Variants in SLC24A2 observed in about 807,000 individuals in gnomAD.
The protein encoded by SLC24A2 is sodium/potassium/calcium exchanger 2.
Under a neutral mutation model 62.0 loss-of-function variants are expected in SLC24A2, and 36 were observed. That is an observed-to-expected ratio of 0.58 (90% CI 0.44 to 0.77). SLC24A2 has a LOEUF of 0.77. Among genes scored for constraint, SLC24A2 ranks in the 30% least tolerant of loss-of-function variants. SLC24A2 has a pLI of 0.00. For missense variants in SLC24A2, 846 were observed against 817.9 expected (o/e 1.03, Z -0.42); for synonymous variants, 358 against 294.0 (o/e 1.22, Z -2.23).
At chr9:19,768,529 T>C (rs973986919) in intron 2 of SLC24A2, among the ~76,000 whole-genome samples, 1 of 152,104 alleles carries the variant, frequency 6.6e-6, no homozygotes, top group Non-Finnish European at 1.5e-5. Flanking sequence ...ATATTTTGTT[T>C]CTTAAATTTG....
chr9:19,550,070 C>T (rs540030245), intron 8 of SLC24A2, 67 bp downstream of exon 8: 230 of 1,519,402 alleles, frequency 1.5e-4, no homozygotes, highest in African/African-American at 1.4e-3. Context: ...CAAACTGAAG[C>T]AGACTATGCA....
At chr9:19,685,234 C>T (rs1478251549) in intron 2 of SLC24A2, among the ~76,000 whole-genome samples, 1 of 152,042 alleles carries the variant, frequency 6.6e-6, no homozygotes, top group Non-Finnish European at 1.5e-5. Flanking sequence ...ATGAGAATTA[C>T]AAAACATTGC....
the SLC24A2 span, among the ~76,000 whole-genome samples, chr9:20,078,641 C>G: frequency 6.6e-6 from 1 of 152,210 alleles, no homozygotes; most frequent in South Asian, 2.1e-4. Context: ...ACCTCCATCT[C>G]CCTTCTGGCT....
chr9:20,105,263 C>A, the SLC24A2 span, among the ~76,000 whole-genome samples: 20 of 152,038 alleles, frequency 1.3e-4, no homozygotes, highest in Non-Finnish European at 2.8e-4. Context: ...ACTTTAACAC[C>A]CCATTGTCAA....
chr9:19,556,099 C>T (rs1350836490), intron 7 of SLC24A2, among the ~76,000 whole-genome samples: 3 of 152,170 alleles, frequency 2.0e-5, no homozygotes, highest in Non-Finnish European at 2.9e-5. Context: ...ACGAGTTTCA[C>T]GGGTCACTCA....
intron 2 of SLC24A2, among the ~76,000 whole-genome samples, chr9:19,648,647 T>G (rs1295982655): frequency 6.6e-6 from 1 of 152,216 alleles, no homozygotes; most frequent in East Asian, 1.9e-4. Context: ...AGGATAAGCA[T>G]TATTTAATTC....
At chr9:19,609,486 G>A (rs896200005) in intron 4 of SLC24A2, among the ~76,000 whole-genome samples, 6 of 152,158 alleles carry the variant, frequency 3.9e-5, no homozygotes, top group Non-Finnish European at 4.4e-5. Flanking sequence ...TGAAAGTGTT[G>A]GACACTAGGA....
the SLC24A2 span, among the ~76,000 whole-genome samples, chr9:20,219,262 C>T: frequency 6.6e-6 from 1 of 152,126 alleles, no homozygotes; most frequent in Non-Finnish European, 1.5e-5. Context: ...CTCCTACCAG[C>T]AGGCAGATGC....
At chr9:19,576,195 G>C (rs1369457305) in intron 6 of SLC24A2, among the ~76,000 whole-genome samples, 1 of 152,164 alleles carries the variant, frequency 6.6e-6, no homozygotes, top group African/African-American at 2.4e-5. Context: ...GATAATTTTA[G>C]TTACTTGGGT....
the SLC24A2 span, among the ~76,000 whole-genome samples, chr9:20,170,474 A>G: frequency 2.0e-4 from 30 of 152,010 alleles, no homozygotes; most frequent in African/African-American, 7.2e-4. Context: ...ACTTGAAAAT[A>G]TTTTTCTAAA....
chr9:20,203,593 T>G, the SLC24A2 span, among the ~76,000 whole-genome samples: 86 of 151,908 alleles, frequency 5.7e-4, 1 homozygote, highest in Middle Eastern at 0.01. Flanking sequence ...CCTATAATCC[T>G]AGCACTTCAA....
At chr9:19,542,243 G>A (rs1044800230) in intron 8 of SLC24A2, among the ~76,000 whole-genome samples, 1 of 152,114 alleles carries the variant, frequency 6.6e-6, no homozygotes, top group South Asian at 2.1e-4. Flanking sequence ...CTCTCTGTTT[G>A]TCTTTTATTG....
chr9:20,091,252 G>A, the SLC24A2 span, among the ~76,000 whole-genome samples: 1 of 151,806 alleles, frequency 6.6e-6, no homozygotes, highest in African/African-American at 2.4e-5. Context: ...TGAAAGGGAT[G>A]ATAAGAAAGC....
At chr9:20,246,982 C>A in the SLC24A2 span, among the ~76,000 whole-genome samples, 1 of 152,196 alleles carries the variant, frequency 6.6e-6, no homozygotes, top group Non-Finnish European at 1.5e-5. Context: ...GCTACATGAC[C>A]ATTATACAGT....
At chr9:19,831,887 T>A in the SLC24A2 span, among the ~76,000 whole-genome samples, 1 of 152,232 alleles carries the variant, frequency 6.6e-6, no homozygotes, top group Non-Finnish European at 1.5e-5. Flanking sequence ...AATAAAAATG[T>A]TAGTAACTCT....
At chr9:20,008,194 C>T in the SLC24A2 span, among the ~76,000 whole-genome samples, 4 of 152,002 alleles carry the variant, frequency 2.6e-5, no homozygotes, top group African/African-American at 4.8e-5. Flanking sequence ...CTGCGCCTGG[C>T]CCCTCTTCCC....
chr9:20,220,629 G>A, the SLC24A2 span, among the ~76,000 whole-genome samples: 4 of 152,228 alleles, frequency 2.6e-5, no homozygotes, highest in African/African-American at 9.6e-5. Flanking sequence ...TGGTTTGTTT[G>A]TTTATTTAGC....
chr9:19,619,717 G>A, intron 3 of SLC24A2, 25 bp from the exon 4 acceptor site: 1 of 1,550,598 alleles, frequency 6.4e-7, no homozygotes, highest in Admixed American at 1.7e-5. Context: ...CAAAGAGATG[G>A]TTAGTCTCAG....
At chr9:19,660,088 C>A (rs1208937558) in intron 2 of SLC24A2, among the ~76,000 whole-genome samples, 3 of 152,178 alleles carry the variant, frequency 2.0e-5, no homozygotes, top group African/African-American at 7.2e-5. Context: ...CAGGTCTGAA[C>A]GTTTTCCTCT....
Sources: gnomAD v4.1 joint callset for allele counts (sites outside exome capture counted in the v4.1 genomes callset) on GRCh38, gnomAD v4.1.1 for gene constraint, MANE v1.5 for transcripts, NCBI Gene and HGNC (gene_info 2026-07-23, HGNC 2026-07-21) for gene names.